SYNPR: variants seen among roughly 807,000 people sequenced by gnomAD.
The protein encoded by SYNPR is synaptoporin.
SYNPR carries 23 observed loss-of-function variants against 32.9 expected under a neutral mutation model. That is an observed-to-expected ratio of 0.70 (90% CI 0.50 to 0.99). The LOEUF (loss-of-function observed/expected upper bound fraction) is 0.99. Ranked by LOEUF, SYNPR falls within the 50% of genes least tolerant of loss-of-function variation. The probability of loss-of-function intolerance (pLI) is 0.00; values close to 1 mark genes in which losing one functional copy is unlikely to be tolerated. For missense variants in SYNPR, 318 were observed against 349.3 expected, an observed-to-expected ratio of 0.91 and a Z score of 0.71; for synonymous variants, 146 against 135.9, an observed-to-expected ratio of 1.07 and a Z score of -0.52.
At chr3:63,483,770 G>A (rs1320226394) in intron 3 of SYNPR, among the ~76,000 whole-genome samples, 1 of 152,166 alleles carries the variant, frequency 6.6e-6, no homozygotes, top group African/African-American at 2.4e-5. Flanking sequence ...TGAATGGCAA[G>A]AAGCAGCTGT....
intron 2 of SYNPR, among the ~76,000 whole-genome samples, chr3:63,444,863 G>A (rs1173640627): frequency 6.6e-6 from 1 of 151,448 alleles, no homozygotes; most frequent in Non-Finnish European, 1.5e-5. Context: ...ATATTGCCTT[G>A]TTACTGGTCC....
intron 3 of SYNPR, among the ~76,000 whole-genome samples, chr3:63,550,305 T>C (rs949459674): frequency 6.6e-6 from 1 of 151,470 alleles, no homozygotes; most frequent in Non-Finnish European, 1.5e-5. Flanking sequence ...TTCTTATATA[T>C]AAGCTCTTTT....
chr3:63,224,875 G>T (rs72876370), upstream of SYNPR, among the ~76,000 whole-genome samples: 254 of 152,318 alleles, frequency 1.7e-3, no homozygotes, highest in African/African-American at 5.3e-3. Flanking sequence ...AAGGTAGATT[G>T]CCTGGACGAC....
intron 3 of SYNPR, among the ~76,000 whole-genome samples, chr3:63,520,171 C>G (rs1436521827): frequency 6.6e-6 from 1 of 152,138 alleles, no homozygotes; most frequent in African/African-American, 2.4e-5. Flanking sequence ...ATACTTTAAG[C>G]CCTTTCTTCT....
chr3:63,532,023 A>G (rs1261554244), intron 3 of SYNPR, among the ~76,000 whole-genome samples: 4 of 152,224 alleles, frequency 2.6e-5, no homozygotes, highest in African/African-American at 9.6e-5. Flanking sequence ...TAAAATAATG[A>G]CTTACGATAT....
chr3:63,578,992 C>A (rs1703041992), intron 4 of SYNPR, among the ~76,000 whole-genome samples: 1 of 152,130 alleles, frequency 6.6e-6, no homozygotes, highest in South Asian at 2.1e-4. Flanking sequence ...CCCCACTAAA[C>A]TCCATTAAAT....
chr3:63,398,105 A>G (rs1366399759), intron 2 of SYNPR, among the ~76,000 whole-genome samples: 1 of 151,832 alleles, frequency 6.6e-6, no homozygotes, highest in Non-Finnish European at 1.5e-5. Context: ...TCAAGTGAAT[A>G]CTTTACTTCT....
chr3:63,442,901 CA>C (rs1326074168), intron 2 of SYNPR, among the ~76,000 whole-genome samples: 3 of 152,164 alleles, frequency 2.0e-5, no homozygotes, highest in Non-Finnish European at 4.4e-5. Context: ...TTAATCTATG[CA>C]AATCTATTCG....
At chr3:63,520,367 C>T (rs567139389) in intron 3 of SYNPR, among the ~76,000 whole-genome samples, 1 of 152,272 alleles carries the variant, frequency 6.6e-6, no homozygotes, top group East Asian at 1.9e-4. Context: ...GTTTCTCCAC[C>T]AGCACACACC....
intron 4 of SYNPR, among the ~76,000 whole-genome samples, chr3:63,595,172 G>C (rs1476039075): frequency 6.6e-6 from 1 of 152,110 alleles, no homozygotes; most frequent in African/African-American, 2.4e-5. Context: ...AGACAAACAG[G>C]GTGGGAAGTT....
At chr3:63,308,257 G>A (rs915003739) in intron 2 of SYNPR, among the ~76,000 whole-genome samples, 2 of 152,044 alleles carry the variant, frequency 1.3e-5, no homozygotes, top group South Asian at 2.1e-4. Context: ...TCTAATTAAT[G>A]GTGACGTCAT....
intron 2 of SYNPR, among the ~76,000 whole-genome samples, chr3:63,473,140 C>G (rs1057057340): frequency 1.3e-5 from 2 of 152,150 alleles, no homozygotes; most frequent in East Asian, 3.9e-4. Flanking sequence ...ACTTACTCCT[C>G]TCTGCCTAAA....
At chr3:63,259,450 T>C (rs1023688869) in intron 2 of SYNPR, among the ~76,000 whole-genome samples, 2 of 151,808 alleles carry the variant, frequency 1.3e-5, no homozygotes, top group Non-Finnish European at 2.9e-5. Flanking sequence ...ATCCAGCATA[T>C]AAACAGAACC....
chr3:63,273,855 A>T (rs1050279532), upstream of SYNPR, among the ~76,000 whole-genome samples: 1 of 152,212 alleles, frequency 6.6e-6, no homozygotes, highest in Non-Finnish European at 1.5e-5. Flanking sequence ...GAACATAAGA[A>T]AGTAAAAATG....
rs187710393 is a variant in SYNPR, at chr3:63,455,771, G to A, written c.85-25061G>A. On this transcript the variant is annotated intron_variant, in intron 2 of 5. Transcript: ENST00000478300. Reference sequence around the variant, plus strand: ...TCATGTTTGGGGTGTGTGTGTGTGTGTGTGTGTGTGTGTGTGGATCTTCAG... The same window carrying A: ...TCATGTTTGGGGTGTGTGTGTGTGTATGTGTGTGTGTGTGTGGATCTTCAG... Among the ~76,000 whole-genome samples the A allele has an allele frequency of 4.1e-3, 619 of 151,914 alleles. 6 individuals carry two copies. Among genetic ancestry groups the A allele is most frequent in the Non-Finnish European group, 3.9e-3 (262 of 67,960 alleles).
intron 2 of SYNPR, among the ~76,000 whole-genome samples, chr3:63,397,408 A>G (rs1306341118): frequency 6.6e-6 from 1 of 152,228 alleles, no homozygotes; most frequent in African/African-American, 2.4e-5. Context: ...TGATGAAAAC[A>G]GAACTGAGTG....
chr3:63,615,554 G>C lies in SYNPR; in HGVS notation c.*73G>C, dbSNP rs1201295224. 2 of 1,535,856 alleles carry C rather than the reference G, an allele frequency of 1.3e-6. No individual in the cohort carries two copies. Among genetic ancestry groups the C allele is most frequent in the Non-Finnish European group, 1.8e-6 (2 of 1,140,654 alleles). On this transcript the variant is annotated 3_prime_UTR_variant, in exon 6 of 6. Transcript: ENST00000478300. ...TCAGTGGCAGAAGAATTTTTTAAGGGTTTCAATCAATTATTAATGCAGAGA... is the reference window on the plus strand; with the variant it reads ...TCAGTGGCAGAAGAATTTTTTAAGGCTTTCAATCAATTATTAATGCAGAGA...
At chr3:63,564,036 G>A (rs1702741838) in intron 4 of SYNPR, among the ~76,000 whole-genome samples, 1 of 150,682 alleles carries the variant, frequency 6.6e-6, no homozygotes, top group African/African-American at 2.4e-5. Context: ...GCAAATGAAG[G>A]ACCTTGTTTT....
intron 4 of SYNPR, among the ~76,000 whole-genome samples, chr3:63,578,915 T>C (rs969545728): frequency 6.6e-6 from 1 of 152,134 alleles, no homozygotes; most frequent in African/African-American, 2.4e-5. Context: ...GGCCCCCAAC[T>C]ACCATCTTCC....
Sources: allele counts gnomAD v4.1 joint callset (sites outside exome capture counted in the v4.1 genomes callset), GRCh38; gene constraint gnomAD v4.1.1; transcripts MANE v1.5; gene names NCBI Gene and HGNC (gene_info 2026-07-23, HGNC 2026-07-21).